Variants in KCNQ2 observed in about 807,000 individuals in gnomAD.
The protein encoded by KCNQ2 is potassium voltage-gated channel subfamily KQT member 2.
A neutral mutation model predicts 84.8 loss-of-function variants in KCNQ2; 14 were observed. The observed-to-expected ratio is 0.17, with a 90% confidence interval of 0.11 to 0.26. KCNQ2 has a LOEUF of 0.26. Among genes scored for constraint, KCNQ2 ranks in the 10% least tolerant of loss-of-function variants. KCNQ2 has a pLI of 1.00. For missense variants in KCNQ2, 788 were observed against 1,254.0 expected, an observed-to-expected ratio of 0.63 and a Z score of 5.61; for synonymous variants, 599 against 554.1, an observed-to-expected ratio of 1.08 and a Z score of -1.14.
At chr20:63,410,784 C>T (rs1414602752) in intron 15 of KCNQ2, among the ~76,000 whole-genome samples, 7 of 152,338 alleles carry the variant, frequency 4.6e-5, no homozygotes, top group African/African-American at 1.7e-4. Flanking sequence ...TCCCCACCAG[C>T]TCAGGCCTGG....
At chr20:63,410,144 G>T in intron 15 of KCNQ2, 1 of 198,410 alleles carries the variant, frequency 5.0e-6, no homozygotes, top group Non-Finnish European at 1.0e-5. Context: ...GGACCCTCTG[G>T]CTCCGAGCAG....
chr20:63,425,113 T>C lies in KCNQ2; in HGVS notation c.1218-907A>G, dbSNP rs79477279. ...ACGACATTCTCTGTGTCTCTGTGTC[T>C]TCTCCTCCTCTACCTCTGTAAGGAC... On this transcript the variant is annotated intron_variant, in intron 10 of 16. Coordinates refer to ENST00000359125, the MANE Select transcript of KCNQ2 (RefSeq NM_172107.4). The surrounding 1 kb of genome is among the most constrained non-coding windows in gnomAD (Gnocchi z 5.5). Among the ~76,000 whole-genome samples, 10,676 of 152,196 alleles carry C rather than the reference T, an allele frequency of 0.07. 535 individuals are homozygous for C. The highest frequency in any genetic ancestry group is 0.13 in the Admixed American group (2,039 of 15,292).
intron 15 of KCNQ2, among the ~76,000 whole-genome samples, chr20:63,409,789 G>C (rs1051586780): frequency 6.7e-6 from 1 of 148,166 alleles, no homozygotes; most frequent in Non-Finnish European, 1.5e-5. Context: ...ACCTGCCTCT[G>C]ATGGGGGCGG....
intron 1 of KCNQ2, among the ~76,000 whole-genome samples, chr20:63,469,344 C>T (rs1416183608): frequency 6.6e-6 from 1 of 152,246 alleles, no homozygotes; most frequent in Non-Finnish European, 1.5e-5. Flanking sequence ...AAGGCCCTGT[C>T]TCCAGAGCCT....
chr20:63,405,452 G>A lies in KCNQ2; in HGVS notation c.*1192C>T, dbSNP rs544527110. 8 of 152,574 alleles carry A rather than the reference G, an allele frequency of 5.2e-5. No homozygotes were observed. The highest frequency in any genetic ancestry group is 1.3e-4 in the Admixed American group (2 of 15,310). The allele number at this position is 152,574 out of a possible 1,614,324, so 9.5% of individuals were successfully genotyped here. ...CCCCAAGAGGCCCCGCTAAGGAATCGGTCAGTGGAGAAGGGGCCATCAGCT... is the reference window on the plus strand; with the variant it reads ...CCCCAAGAGGCCCCGCTAAGGAATCAGTCAGTGGAGAAGGGGCCATCAGCT... On this transcript the variant is annotated 3_prime_UTR_variant, in exon 17 of 17. Coordinates refer to ENST00000359125, the MANE Select transcript of KCNQ2 (RefSeq NM_172107.4).
intron 1 of KCNQ2, chr20:63,447,278 C>CCTG: frequency 4.7e-6 from 1 of 213,976 alleles, no homozygotes; most frequent in Non-Finnish European, 9.6e-6. Context: ...CAGCCTTCCC[C>CCTG]TCTCCTCACT....
rs924946588 is a variant in KCNQ2 at position 63,438,996 on chromosome 20, T to A, written c.928-276A>T. Among the ~76,000 whole-genome samples the A allele has an allele frequency of 6.6e-6, 1 of 152,116 alleles. No individual in the cohort carries two copies. Among genetic ancestry groups the A allele is most frequent in the African/African-American group, 2.4e-5 (1 of 41,406 alleles). The stretch of plus-strand genomic sequence containing the variant: ...TCCAGGAACCCATATCCCCACAATT[T>A]GTCAGCATCAAGAGGAAGGAACCCT... On this transcript the variant is annotated intron_variant, in intron 6 of 16. Transcript: ENST00000359125. This position sits in a 1 kb window ranked among gnomAD's most constrained non-coding sequence, Gnocchi z 5.1.
chr20:63,418,420 T>C (rs575229489), intron 12 of KCNQ2, among the ~76,000 whole-genome samples: 1 of 152,234 alleles, frequency 6.6e-6, no homozygotes, highest in Non-Finnish European at 1.5e-5. Flanking sequence ...CTGAGGAGCA[T>C]CCAGACCCCT....
At chr20:63,440,557 G>A (rs1012615236) in intron 5 of KCNQ2, among the ~76,000 whole-genome samples, 1 of 152,222 alleles carries the variant, frequency 6.6e-6, no homozygotes, top group South Asian at 2.1e-4. Context: ...CCCAGGACAG[G>A]CCCTGTGAGG....
rs1166893466 is a variant in KCNQ2 at position 63,433,995 on chromosome 20, A to AC, written c.1024-93dup. On this transcript the variant is annotated intron_variant, in intron 7 of 16. Coordinates refer to ENST00000359125, the MANE Select transcript of KCNQ2 (RefSeq NM_172107.4). ...GCGTGGAGGGAACGGGGCAGAGGGGACCCCCATGCTGTAGGCCAGGCACTC... is the reference window on the plus strand; with the variant it reads ...GCGTGGAGGGAACGGGGCAGAGGGGACCCCCCATGCTGTAGGCCAGGCACTC... 1.2e-5 allele frequency: 13 copies of AC among 1,110,262 alleles called. No individual in the cohort carries two copies. The African/African-American group carries it at 1.9e-4, about 16-fold the overall frequency. The allele number at this position is 1,110,262 out of a possible 1,614,324, so 68.8% of individuals were successfully genotyped here. A position where few individuals can be genotyped will look rare whatever the true frequency, so the allele number is the denominator to read the frequency against.
rs750777195 is a variant in KCNQ2 at position 63,425,240 on chromosome 20, CT to C, written c.1218-1035del. Reference sequence around the variant, plus strand: ...AAGCTCAGTTACAGCTGCAAGGACCCTTTCTCCAAATCAGGTCACATTTGCA... The same window carrying C: ...AAGCTCAGTTACAGCTGCAAGGACCCTTCTCCAAATCAGGTCACATTTGCA... On this transcript the variant is annotated intron_variant, in intron 10 of 16. Transcript: ENST00000359125. This position sits in a 1 kb window ranked among gnomAD's most constrained non-coding sequence, Gnocchi z 5.5. Among the ~76,000 whole-genome samples, 28 of 152,336 alleles carry C rather than the reference CT, an allele frequency of 1.8e-4. No homozygotes were observed. Among genetic ancestry groups the C allele is most frequent in the Non-Finnish European group, 3.1e-4 (21 of 68,028 alleles).
At position 63,444,729 on chromosome 20, in the gene KCNQ2, C is replaced by T. The variant is rs118192200; in HGVS notation, c.620G>A (p.Arg207Gln). The T allele has an allele frequency of 6.2e-7, 1 of 1,603,638 alleles. No individual in the cohort carries two copies. Among genetic ancestry groups the T allele is most frequent in the Non-Finnish European group, 8.5e-7 (1 of 1,176,140 alleles). The stretch of plus-strand genomic sequence containing the variant: ...TCCCCGCCGGTCCATGCGGATCATC[C>T]GCAGAATCTGCAGGAAGCGCAGGCT... ...LRSLRFLQIL[R>Q]MIRMDRRGGT... is the part of the protein sequence containing the mutation. Residue 207 changes from arginine to glutamine, a missense_variant, in exon 4 of 17, where the codon CGG becomes CAG. Around this residue, in one of 8 missense-constraint regions of KCNQ2, gnomAD observed 12 missense variants for 50.2 expected, o/e 0.24. Coordinates refer to ENST00000359125, the MANE Select transcript of KCNQ2 (RefSeq NM_172107.4).
At chr20:63,419,501 G>T in intron 12 of KCNQ2, 118 bp downstream of exon 12, 1 of 1,011,070 alleles carries the variant, frequency 9.9e-7, no homozygotes, top group Non-Finnish European at 1.5e-6. Context: ...AGGGCGGTGG[G>T]TCAGAATTGG....
chr20:63,434,404 C>T, intron 7 of KCNQ2: 1 of 168,664 alleles, frequency 5.9e-6, no homozygotes, highest in Non-Finnish European at 1.3e-5. Context: ...GCTGGATTTC[C>T]GTTCTCTATG....
Position 63,406,231 on chromosome 20 carries a change from C to T in KCNQ2, c.*413G>A, listed in dbSNP as rs886056919. 90 of 190,764 alleles carry T rather than the reference C, an allele frequency of 4.7e-4. 1 individual carries two copies. The highest frequency in any genetic ancestry group is 4.1e-3 in the Admixed American group (77 of 18,620). The allele number at this position is 190,764 out of a possible 1,614,324, so 11.8% of individuals were successfully genotyped here. On this transcript the variant is annotated 3_prime_UTR_variant, in exon 17 of 17. Transcript: ENST00000359125. ...CCTCACCAAACAGGCCCGCCCTTTG[C>T]GCAGGTCCTCAGGGAACAGGCCTGC...
intron 1 of KCNQ2, among the ~76,000 whole-genome samples, chr20:63,457,851 C>T (rs1431544598): frequency 2.0e-5 from 3 of 152,220 alleles, no homozygotes; most frequent in Non-Finnish European, 4.4e-5. Flanking sequence ...GACTCCCAGG[C>T]CCTGGCAGGA....
At chr20:63,426,895 A>G (rs927011312) in intron 10 of KCNQ2, among the ~76,000 whole-genome samples, 3 of 152,136 alleles carry the variant, frequency 2.0e-5, no homozygotes, top group Admixed American at 1.3e-4. Flanking sequence ...TCCAAATCCC[A>G]TCAGTTCAAA....
chr20:63,468,047 G>C (rs539370970), intron 1 of KCNQ2, among the ~76,000 whole-genome samples: 49 of 152,294 alleles, frequency 3.2e-4, no homozygotes, highest in African/African-American at 1.1e-3. Context: ...TAACTAAGCA[G>C]CATCATGTAC....
intron 10 of KCNQ2, among the ~76,000 whole-genome samples, chr20:63,426,151 C>T (rs1360934332): frequency 6.6e-6 from 1 of 152,230 alleles, no homozygotes; most frequent in Non-Finnish European, 1.5e-5. Flanking sequence ...GCCCTCTTAC[C>T]TTCGTCCAAC....
Sources: gnomAD v4.1 joint callset for allele counts (sites outside exome capture counted in the v4.1 genomes callset) on GRCh38, gnomAD v4.1.1 for gene constraint, gnomAD v4.1.1 regional missense constraint, Gnocchi (gnomAD v3.1) non-coding constraint, MANE v1.5 for transcripts, NCBI Gene and HGNC (gene_info 2026-07-23, HGNC 2026-07-21) for gene names.